Variants in CCDC171 observed in about 807,000 individuals in gnomAD.
CCDC171 encodes coiled-coil domain-containing protein 171.
Under a neutral mutation model 168.2 loss-of-function variants are expected in CCDC171, and 177 were observed. The ratio of observed to expected loss-of-function variants is 1.05; its 90% confidence interval spans 0.93 to 1.19. CCDC171 has a LOEUF of 1.19. Ranked by LOEUF, CCDC171 falls within the 50% of genes most tolerant of loss-of-function variation. CCDC171 has a pLI of 0.00. For synonymous variants in CCDC171, 687 were observed against 540.8 expected (o/e 1.27, Z -3.75); for missense variants, 1,991 against 1,539.0 (o/e 1.29, Z -4.91).
At chr9:15,657,366 G>C in intron 8 of CCDC171, 147 bp downstream of exon 8, 1 of 521,366 alleles carries the variant, frequency 1.9e-6, no homozygotes, top group Non-Finnish European at 3.6e-6. Flanking sequence ...TATAAGGTTA[G>C]GATACAGTTG....
At chr9:15,597,438 G>A (rs566749923) in intron 6 of CCDC171, among the ~76,000 whole-genome samples, 2 of 152,194 alleles carry the variant, frequency 1.3e-5, no homozygotes, top group Non-Finnish European at 2.9e-5. Flanking sequence ...TTTATGTGAT[G>A]GATTACGTTT....
chr9:15,885,386 T>C (rs1819254682), intron 24 of CCDC171: 1 of 152,228 alleles, frequency 6.6e-6, no homozygotes, highest in Non-Finnish European at 1.5e-5. Context: ...TATCTTTTTG[T>C]TCATTTTAAG....
intron 21 of CCDC171, among the ~76,000 whole-genome samples, chr9:15,800,613 T>A (rs1227872732): frequency 6.6e-6 from 1 of 152,172 alleles, no homozygotes; most frequent in Non-Finnish European, 1.5e-5. Context: ...GCTTTTTAAC[T>A]TGATGTGGTC....
chr9:15,933,453 A>T (rs1344671369), intron 25 of CCDC171, among the ~76,000 whole-genome samples: 5 of 151,886 alleles, frequency 3.3e-5, no homozygotes, highest in Admixed American at 3.3e-4. Context: ...TTTCCAAAAA[A>T]CGAATGCTTC....
chr9:15,572,694 C>T (rs553758293), intron 3 of CCDC171, among the ~76,000 whole-genome samples: 1 of 152,304 alleles, frequency 6.6e-6, no homozygotes, highest in African/African-American at 2.4e-5. Context: ...TGTTCTTCCA[C>T]AACATGTTGC....
At chr9:15,961,641 C>G (rs1026591375) in intron 25 of CCDC171, among the ~76,000 whole-genome samples, 4 of 152,154 alleles carry the variant, frequency 2.6e-5, no homozygotes, top group African/African-American at 7.2e-5. Context: ...GACCTATCCT[C>G]TGAGACCTTT....
At chr9:15,909,143 T>C (rs1394201302) in intron 24 of CCDC171, among the ~76,000 whole-genome samples, 1 of 152,192 alleles carries the variant, frequency 6.6e-6, no homozygotes, top group African/African-American at 2.4e-5. Flanking sequence ...GTAACAACTT[T>C]TTGTTGAGAG....
At chr9:15,719,461 T>G (rs2053326852) in intron 11 of CCDC171, among the ~76,000 whole-genome samples, 1 of 148,620 alleles carries the variant, frequency 6.7e-6, no homozygotes, top group Non-Finnish European at 1.5e-5. Context: ...TTTATTCAAA[T>G]GGATAATAAT....
downstream of CCDC171, among the ~76,000 whole-genome samples, chr9:15,975,682 T>A (rs960441740): frequency 1.3e-5 from 2 of 152,162 alleles, no homozygotes; most frequent in African/African-American, 4.8e-5. Flanking sequence ...TGGAAAATAA[T>A]GACATATGCC....
chr9:15,741,514 T>C (rs993916075), intron 16 of CCDC171, among the ~76,000 whole-genome samples: 1 of 152,232 alleles, frequency 6.6e-6, no homozygotes, highest in Non-Finnish European at 1.5e-5. Context: ...CCACATTTTG[T>C]TTATTCATTC....
At chr9:15,608,516 A>G (rs995238184) in intron 6 of CCDC171, among the ~76,000 whole-genome samples, 2 of 152,128 alleles carry the variant, frequency 1.3e-5, no homozygotes, top group African/African-American at 2.4e-5. Flanking sequence ...GTGAAATTGT[A>G]TCTCATTCTT....
At chr9:15,770,232 C>T (rs949533526) in intron 18 of CCDC171, among the ~76,000 whole-genome samples, 1 of 152,110 alleles carries the variant, frequency 6.6e-6, no homozygotes, top group African/African-American at 2.4e-5. Context: ...TTGTTGAAGA[C>T]CACCCAAAAA....
intron 6 of CCDC171, among the ~76,000 whole-genome samples, chr9:15,605,014 G>C (rs918956327): frequency 6.6e-5 from 10 of 152,068 alleles, no homozygotes; most frequent in African/African-American, 2.4e-4. Context: ...GCCTACCTCA[G>C]CCTCCTTTGT....
chr9:15,571,037 C>T (rs2040181942), intron 2 of CCDC171, among the ~76,000 whole-genome samples: 1 of 152,138 alleles, frequency 6.6e-6, no homozygotes, highest in African/African-American at 2.4e-5. Context: ...CTTTTACCTC[C>T]ATTTTCAAAG....
intron 25 of CCDC171, among the ~76,000 whole-genome samples, chr9:15,942,576 A>G (rs1827851807): frequency 6.6e-6 from 1 of 151,986 alleles, no homozygotes; most frequent in Admixed American, 6.6e-5. Context: ...AGTACAATAA[A>G]TAAGTAATAA....
chr9:16,096,194 C>T, the CCDC171 span, among the ~76,000 whole-genome samples: 1 of 151,888 alleles, frequency 6.6e-6, no homozygotes, highest in Non-Finnish European at 1.5e-5. Context: ...TTGATTGTTC[C>T]CTCTGTATGG....
chr9:15,645,579 C>A (rs1193480989), intron 7 of CCDC171, among the ~76,000 whole-genome samples: 2 of 152,148 alleles, frequency 1.3e-5, no homozygotes, highest in African/African-American at 4.8e-5. Context: ...AAAACCATGG[C>A]ACGAGAACTA....
intron 24 of CCDC171, among the ~76,000 whole-genome samples, chr9:15,891,625 C>T (rs551533860): frequency 1.6e-4 from 25 of 152,192 alleles, no homozygotes; most frequent in African/African-American, 5.8e-4. Flanking sequence ...TAAATAGGCA[C>T]TTCAAATATA....
intron 11 of CCDC171, among the ~76,000 whole-genome samples, chr9:15,719,447 A>AGAGAGCG (rs2053325320): frequency 9.9e-6 from 1 of 101,314 alleles, no homozygotes; most frequent in African/African-American, 3.5e-5. Flanking sequence ...AGAGAGAGAG[A>AGAGAGCG]AAGTTTATTC....
Sources: allele counts gnomAD v4.1 joint callset (sites outside exome capture counted in the v4.1 genomes callset), GRCh38; gene constraint gnomAD v4.1.1; transcripts MANE v1.5; gene names NCBI Gene and HGNC (gene_info 2026-07-23, HGNC 2026-07-21).